ZNF490: variants seen among roughly 807,000 people sequenced by gnomAD.
The protein encoded by ZNF490 is zinc finger protein 490.
In ZNF490, 11 loss-of-function variants were observed where a neutral mutation model predicts 17.7. That is an observed-to-expected ratio of 0.62 (90% confidence interval 0.39 to 1.03). ZNF490 has a LOEUF of 1.03. ZNF490 is among the 50% of genes least tolerant of loss of function. The pLI is 0.00. For synonymous variants in ZNF490, 222 were observed against 216.1 expected, an observed-to-expected ratio of 1.03 and a Z score of -0.24; for missense variants, 542 against 643.4, an observed-to-expected ratio of 0.84 and a Z score of 1.71.
In ZNF490 at chr19:12,578,860, C is replaced by T. The variant is rs988828960; in HGVS notation, c.*1625G>A. ...TTCCCCATTCCTTTAATTCTTCCTA[C>T]GAAGAATCTCGACAATGGTTGCAGA... On this transcript the variant is annotated 3_prime_UTR_variant, in exon 5 of 5. Coordinates refer to ENST00000311437, the MANE Select transcript of ZNF490 (RefSeq NM_020714.3). The T allele has an allele frequency of 5.7e-5, 56 of 985,226 alleles. No individual in the cohort carries two copies. The highest frequency in any genetic ancestry group is 6.5e-5 in the Non-Finnish European group (54 of 829,884). 61.0% of individuals were successfully genotyped at this position (985,226 alleles called of 1,614,324 possible).
chr19:12,581,913 G>A (rs2022740261), intron 4 of ZNF490, among the ~76,000 whole-genome samples, 189 bp from the exon 5 acceptor site: 1 of 151,826 alleles, frequency 6.6e-6, no homozygotes, highest in Non-Finnish European at 1.5e-5. Context: ...TATCAAAATA[G>A]TTAAAAAAAA....
intron 2 of ZNF490, among the ~76,000 whole-genome samples, chr19:12,600,484 A>T (rs1323453071): frequency 6.6e-6 from 1 of 152,160 alleles, no homozygotes; most frequent in East Asian, 1.9e-4. Context: ...TATAAAATGG[A>T]GTATGGCTTT....
Position 12,586,953 on chromosome 19 carries a change from C to G in ZNF490, c.163-3397G>C, listed in dbSNP as rs1392254957. On this transcript the variant is annotated intron_variant, in intron 2 of 4. Transcript: ENST00000311437. ...GGTGCAGCGGCACATGCCTGTAATC[C>G]CAGCTACTCACGAGGCAGGAGAATC... Among the ~76,000 whole-genome samples, 2 of 90,726 alleles carry G rather than the reference C, an allele frequency of 2.2e-5. 1 individual carries two copies. Among genetic ancestry groups the G allele is most frequent in the African/African-American group, 6.6e-5 (2 of 30,356 alleles). The allele number at this position is 90,726 out of a possible 152,430, so 59.5% of individuals were successfully genotyped here.
chr19:12,580,214 C>A lies in ZNF490; in HGVS notation c.*271G>T. 3 of 1,193,718 alleles carry A rather than the reference C, an allele frequency of 2.5e-6. No homozygotes were observed. Among genetic ancestry groups the A allele is most frequent in the Non-Finnish European group, 3.1e-6 (3 of 961,236 alleles). 73.9% of individuals were successfully genotyped at this position (1,193,718 alleles called of 1,614,324 possible). ...ATTCTCAGGTGTCTTTAAAAGATTA[C>A]GTGAAGTGAAGGCTTTCCTACACTC... On this transcript the variant is annotated 3_prime_UTR_variant, in exon 5 of 5. Coordinates refer to ENST00000311437, the MANE Select transcript of ZNF490 (RefSeq NM_020714.3).
chr19:12,584,057 G>T (rs1340667308), intron 2 of ZNF490, among the ~76,000 whole-genome samples: 1 of 144,728 alleles, frequency 6.9e-6, no homozygotes, highest in Non-Finnish European at 1.5e-5. Flanking sequence ...TGATCCGCCC[G>T]CCTCGGCCTC....
At chr19:12,601,721 G>A (rs543988894) in intron 2 of ZNF490, among the ~76,000 whole-genome samples, 8 of 152,206 alleles carry the variant, frequency 5.3e-5, no homozygotes, top group African/African-American at 9.6e-5. Flanking sequence ...GGCCAGGTGC[G>A]GTGGCATAGG....
At chr19:12,593,866 A>C (rs1236420489) in intron 2 of ZNF490, among the ~76,000 whole-genome samples, 1 of 152,198 alleles carries the variant, frequency 6.6e-6, no homozygotes, top group Non-Finnish European at 1.5e-5. Flanking sequence ...AAAGAAAAGA[A>C]GTCACCCTCC....
chr19:12,609,678 C>G (rs1183941474), intron 1 of ZNF490, among the ~76,000 whole-genome samples: 1 of 152,206 alleles, frequency 6.6e-6, no homozygotes, highest in African/African-American at 2.4e-5. Flanking sequence ...TTCCACTTTA[C>G]AGCAACACGG....
intron 4 of ZNF490, 102 bp from the exon 5 acceptor site, chr19:12,581,826 T>C (rs2022739110): frequency 1.9e-6 from 2 of 1,078,188 alleles, no homozygotes; most frequent in Non-Finnish European, 2.6e-6. Flanking sequence ...ACAGAAACTG[T>C]ATGTTATCTG....
intron 2 of ZNF490, among the ~76,000 whole-genome samples, chr19:12,599,411 T>G (rs980179295): frequency 2.6e-5 from 4 of 152,090 alleles, no homozygotes; most frequent in African/African-American, 9.7e-5. Flanking sequence ...GGAAGAAATG[T>G]TGTAGAATTT....
Position 12,577,521 on chromosome 19 carries a change from AGAGAAGCG to A in ZNF490, c.*2956_*2963del. The stretch of plus-strand genomic sequence containing the variant: ...CATACTACCATAAATGTTCCTGGTG[AGAGAAGCG>A]AATGTTCCTGGTGAGAGAAGCGAAG... On this transcript the variant is annotated 3_prime_UTR_variant, in exon 5 of 5. Transcript: ENST00000311437. 1.7e-6 allele frequency: 1 copy of A among 580,908 alleles called. No individual in the cohort carries two copies. The highest frequency in any genetic ancestry group is 1.9e-6 in the Non-Finnish European group (1 of 513,340). The allele number at this position is 580,908 out of a possible 1,614,324, so 36.0% of individuals were successfully genotyped here. A position where few individuals can be genotyped will look rare whatever the true frequency, so the allele number is the denominator to read the frequency against.
In ZNF490 at chr19:12,577,206, TCA is replaced by T. The variant is rs1195470878; in HGVS notation, c.*3277_*3278del. On this transcript the variant is annotated 3_prime_UTR_variant, in exon 5 of 5. Coordinates refer to ENST00000311437, the MANE Select transcript of ZNF490 (RefSeq NM_020714.3). ...GAAAATACTTACTGAATATTAGGAC[TCA>T]CACAGACACATACACAAAAGGGTTT... Among the ~76,000 whole-genome samples, 1 of 152,164 alleles carries T rather than the reference TCA, an allele frequency of 6.6e-6. No homozygotes were observed. Among genetic ancestry groups the T allele is most frequent in the Non-Finnish European group, 1.5e-5 (1 of 68,032 alleles).
intron 2 of ZNF490, among the ~76,000 whole-genome samples, chr19:12,589,914 T>TATGTATGTATG (rs1568279795): frequency 3.1e-5 from 1 of 32,458 alleles, no homozygotes; most frequent in African/African-American, 7.6e-5. Context: ...ATGTATGTAT[T>TATGTATGTATG]TATTTATTTA....
chr19:12,590,735 A>G (rs1479603352), intron 2 of ZNF490, among the ~76,000 whole-genome samples: 4 of 152,004 alleles, frequency 2.6e-5, no homozygotes, highest in Non-Finnish European at 5.9e-5. Context: ...TATAAGGCCA[A>G]CTCCTTTCCT....
chr19:12,590,455 A>G (rs2022856636), intron 2 of ZNF490, among the ~76,000 whole-genome samples: 1 of 142,370 alleles, frequency 7.0e-6, no homozygotes, highest in East Asian at 2.1e-4. Flanking sequence ...GACCTCAATG[A>G]TCCCCCCAAC....
chr19:12,608,443 CTTTA>C (rs2023099191), intron 2 of ZNF490, among the ~76,000 whole-genome samples: 3 of 136,896 alleles, frequency 2.2e-5, no homozygotes, highest in African/African-American at 8.0e-5. Context: ...AATTTTTTAT[CTTTA>C]TTTATTTATG....
In ZNF490 at chr19:12,580,470, C is replaced by T. The variant is rs1568277234; in HGVS notation, c.*15G>A. The T allele has an allele frequency of 1.3e-6, 2 of 1,562,598 alleles. No individual in the cohort carries two copies. Among genetic ancestry groups the T allele is most frequent in the East Asian group, 2.2e-5 (1 of 44,568 alleles). ...GGAACTAATACAACTGACAGCATTA[C>T]CACACTTTACTTTCTTAGGGCTTCT... On this transcript the variant is annotated 3_prime_UTR_variant, in exon 5 of 5. Transcript: ENST00000311437.
At chr19:12,601,239 T>G (rs1048977507) in intron 2 of ZNF490, among the ~76,000 whole-genome samples, 2 of 151,192 alleles carry the variant, frequency 1.3e-5, no homozygotes, top group Admixed American at 6.6e-5. Flanking sequence ...ATACAAAAAA[T>G]TAGCCAGGCG....
intron 2 of ZNF490, chr19:12,597,169 C>CT: frequency 2.2e-6 from 1 of 459,664 alleles, no homozygotes; most frequent in South Asian, 1.5e-5. Context: ...CTTACGGAGG[C>CT]TCCAGGAGTC....
Sources: gnomAD v4.1 joint callset for allele counts (sites outside exome capture counted in the v4.1 genomes callset) on GRCh38, gnomAD v4.1.1 for gene constraint, MANE v1.5 for transcripts, NCBI Gene and HGNC (gene_info 2026-07-23, HGNC 2026-07-21) for gene names.